Variants in ANKS1B observed in about 807,000 individuals in gnomAD.
ANKS1B encodes ankyrin repeat and sterile alpha motif domain containing 1B.
In ANKS1B, 36 loss-of-function variants were observed where a neutral mutation model predicts 148.3. The ratio of observed to expected loss-of-function variants is 0.24; its 90% confidence interval spans 0.19 to 0.32. ANKS1B has a LOEUF of 0.32. Ranked by LOEUF, ANKS1B falls within the 10% of genes least tolerant of loss-of-function variation. ANKS1B has a pLI of 1.00. For missense variants in ANKS1B, 1,157 were observed against 1,542.6 expected (o/e 0.75, Z 4.19); for synonymous variants, 542 against 560.8 (o/e 0.97, Z 0.47).
chr12:99,146,935 G>C (rs1601022059), intron 15 of ANKS1B, among the ~76,000 whole-genome samples: 1 of 152,214 alleles, frequency 6.6e-6, no homozygotes, highest in Middle Eastern at 3.4e-3. Context: ...TGTAAATAAA[G>C]TTTTATTGGA....
At chr12:99,849,309 C>A (rs932887659) in intron 1 of ANKS1B, among the ~76,000 whole-genome samples, 3 of 152,028 alleles carry the variant, frequency 2.0e-5, no homozygotes, top group African/African-American at 7.2e-5. Flanking sequence ...AGTTGTTCAA[C>A]TTCCTTAGTT....
chr12:99,681,677 G>C (rs574847306), intron 8 of ANKS1B, among the ~76,000 whole-genome samples: 128 of 152,284 alleles, frequency 8.4e-4, no homozygotes, highest in Non-Finnish European at 1.6e-3. Flanking sequence ...TGGGACAAAA[G>C]AATCTGAATA....
chr12:99,806,319 T>G, intron 4 of ANKS1B, 85 bp downstream of exon 4: 2 of 1,505,336 alleles, frequency 1.3e-6, no homozygotes, highest in Non-Finnish European at 1.8e-6. Flanking sequence ...GATTAAAAGA[T>G]TTCTACATAC....
intron 1 of ANKS1B, among the ~76,000 whole-genome samples, chr12:99,915,153 A>C (rs899982890): frequency 8.2e-5 from 12 of 145,926 alleles, no homozygotes; most frequent in African/African-American, 3.1e-4. Flanking sequence ...TGAACTCGCG[A>C]GGCGGAGGTT....
intron 8 of ANKS1B, among the ~76,000 whole-genome samples, chr12:99,733,674 T>A (rs1056917643): frequency 3.3e-5 from 5 of 152,202 alleles, no homozygotes; most frequent in Admixed American, 6.5e-5. Context: ...AGTAACCAAG[T>A]AGGGTTTAAA....
At chr12:98,948,659 GT>G (rs1361364201) in intron 17 of ANKS1B, among the ~76,000 whole-genome samples, 3 of 151,982 alleles carry the variant, frequency 2.0e-5, no homozygotes, top group Admixed American at 1.3e-4. Context: ...ATACTGCTAG[GT>G]GCTTTGTATC....
intron 17 of ANKS1B, among the ~76,000 whole-genome samples, chr12:98,912,635 G>A (rs932411528): frequency 3.8e-4 from 58 of 152,324 alleles, no homozygotes; most frequent in Admixed American, 2.9e-3. Context: ...ATATAGAACT[G>A]TTGCTTAATA....
chr12:98,750,528 C>A (rs547251706), intron 26 of ANKS1B, among the ~76,000 whole-genome samples: 25 of 152,126 alleles, frequency 1.6e-4, no homozygotes, highest in African/African-American at 6.0e-4. Context: ...GAGGTGGGGG[C>A]TGGTGAGAAG....
chr12:99,207,823 G>GT (rs1463384635), intron 14 of ANKS1B, among the ~76,000 whole-genome samples: 1 of 152,042 alleles, frequency 6.6e-6, no homozygotes, highest in Non-Finnish European at 1.5e-5. Context: ...AGAATGACTA[G>GT]TTTTTCCAAA....
chr12:99,204,471 T>G (rs1255425137), intron 14 of ANKS1B, among the ~76,000 whole-genome samples: 1 of 152,196 alleles, frequency 6.6e-6, no homozygotes, highest in African/African-American at 2.4e-5. Context: ...TTGAGGTGAG[T>G]GAAATCCGAT....
At chr12:99,647,053 A>G (rs2153429553) in intron 9 of ANKS1B, among the ~76,000 whole-genome samples, 1 of 152,276 alleles carries the variant, frequency 6.6e-6, no homozygotes, top group South Asian at 2.1e-4. Context: ...AAATTTCCTA[A>G]TAAAAATAGA....
intron 8 of ANKS1B, among the ~76,000 whole-genome samples, chr12:99,753,038 T>C (rs1191863384): frequency 6.6e-6 from 1 of 152,108 alleles, no homozygotes; most frequent in Admixed American, 6.6e-5. Context: ...TTATATAGTA[T>C]AAAGATTATA....
intron 9 of ANKS1B, among the ~76,000 whole-genome samples, chr12:99,563,198 AC>A: frequency 6.6e-6 from 1 of 152,278 alleles, no homozygotes; most frequent in East Asian, 1.9e-4. Flanking sequence ...TTGTGTGTTC[AC>A]TGTAATAGCA....
intron 12 of ANKS1B, among the ~76,000 whole-genome samples, chr12:99,255,390 G>A (rs2075138793): frequency 6.6e-6 from 1 of 151,850 alleles, no homozygotes; most frequent in Non-Finnish European, 1.5e-5. Flanking sequence ...ATTTTGACTG[G>A]AAAGTGCATC....
At chr12:99,478,694 AAAG>A (rs1304386380) in intron 10 of ANKS1B, among the ~76,000 whole-genome samples, 2 of 152,122 alleles carry the variant, frequency 1.3e-5, no homozygotes, top group African/African-American at 2.4e-5. Flanking sequence ...CTTGGAAGTG[AAAG>A]AAGGATTTTA....
intron 17 of ANKS1B, among the ~76,000 whole-genome samples, chr12:98,961,241 G>A (rs1430569037): frequency 6.6e-6 from 1 of 152,008 alleles, no homozygotes; most frequent in Non-Finnish European, 1.5e-5. Context: ...ATAAAGAAAG[G>A]TTCGGAAGAA....
rs573054412 is a variant in ANKS1B, at chr12:99,083,613, C to A, written c.2625+1312G>T. Among the ~76,000 whole-genome samples, 134 of 152,204 alleles carry A rather than the reference C, an allele frequency of 8.8e-4. 1 individual carries two copies. Among genetic ancestry groups the A allele is most frequent in the African/African-American group, 3.1e-3 (129 of 41,556 alleles). Reference sequence around the variant, plus strand: ...CTTTTTAAAATTATTTTTTGAATTGCATGAATATGTTATGAAATACACATA... The same window carrying A: ...CTTTTTAAAATTATTTTTTGAATTGAATGAATATGTTATGAAATACACATA... On this transcript the variant is annotated intron_variant, in intron 16 of 26. Coordinates refer to ENST00000683438, the MANE Select transcript of ANKS1B (RefSeq NM_001352186.2).
At chr12:99,622,136 T>A (rs573082665) in intron 9 of ANKS1B, among the ~76,000 whole-genome samples, 31 of 152,136 alleles carry the variant, frequency 2.0e-4, no homozygotes, top group African/African-American at 7.2e-4. Context: ...TTAAATAACT[T>A]TCTGCTGAAT....
chr12:99,251,488 C>G (rs1348834524), intron 12 of ANKS1B, among the ~76,000 whole-genome samples: 3 of 152,160 alleles, frequency 2.0e-5, no homozygotes, highest in African/African-American at 7.2e-5. Flanking sequence ...CATAACTTGT[C>G]TCATTTAATT....
Sources: gnomAD v4.1 joint callset for allele counts (sites outside exome capture counted in the v4.1 genomes callset) on GRCh38, gnomAD v4.1.1 for gene constraint, MANE v1.5 for transcripts, NCBI Gene and HGNC (gene_info 2026-07-23, HGNC 2026-07-21) for gene names.